Variants in GALNT13 observed in about 807,000 individuals in gnomAD.
GALNT13 encodes UDP-GalNAc:polypeptide N-acetylgalactosaminyltransferase 13.
GALNT13 carries 28 observed loss-of-function variants against 64.2 expected under a neutral mutation model. That is an observed-to-expected ratio of 0.44 (90% confidence interval 0.32 to 0.60). The LOEUF (loss-of-function observed/expected upper bound fraction) is 0.60. Ranked by LOEUF, GALNT13 falls within the 20% of genes least tolerant of loss-of-function variation. The pLI, the probability that GALNT13 is intolerant of heterozygous loss-of-function variation, is 0.05. For missense variants in GALNT13, 577 were observed against 669.8 expected, an observed-to-expected ratio of 0.86 and a Z score of 1.53; for synonymous variants, 214 against 224.6, an observed-to-expected ratio of 0.95 and a Z score of 0.42.
In GALNT13 at chr2:154,017,409, C is replaced by T. The variant is rs141878716; in HGVS notation, c.142+72770C>T. On this transcript the variant is annotated intron_variant, in intron 3 of 12. Transcript: ENST00000392825. Reference sequence around the variant, plus strand: ...TGAAAAAACTGTCAAAATCCACTCTCTTCCTAAATAATTGGTTAATATGAT... The same window carrying T: ...TGAAAAAACTGTCAAAATCCACTCTTTTCCTAAATAATTGGTTAATATGAT... Among the ~76,000 whole-genome samples the T allele has an allele frequency of 3.6e-3, 552 of 152,254 alleles. 4 individuals carry two copies. The highest frequency in any genetic ancestry group is 0.013 in the African/African-American group (522 of 41,544).
At chr2:153,152,163 A>T in the GALNT13 span, among the ~76,000 whole-genome samples, 1 of 151,832 alleles carries the variant, frequency 6.6e-6, no homozygotes, top group Admixed American at 6.6e-5. Context: ...GCTCTCCATT[A>T]TTTTCCTTAT....
chr2:154,370,632 A>G (rs1458937244), intron 9 of GALNT13, among the ~76,000 whole-genome samples: 1 of 152,040 alleles, frequency 6.6e-6, no homozygotes. Context: ...AAGGAAGAAC[A>G]TTTTGGGGTT....
chr2:154,441,932 T>C (rs558448178), intron 12 of GALNT13: 23 of 152,270 alleles, frequency 1.5e-4, no homozygotes, highest in African/African-American at 5.5e-4. Context: ...AAATGAAGCA[T>C]AGGGTAAATG....
chr2:154,336,940 T>A (rs912510407), intron 9 of GALNT13, among the ~76,000 whole-genome samples: 7 of 152,112 alleles, frequency 4.6e-5, no homozygotes, highest in African/African-American at 1.7e-4. Flanking sequence ...ATTTTTTGAA[T>A]AATATCTAAG....
the GALNT13 span, among the ~76,000 whole-genome samples, chr2:153,231,230 T>C: frequency 4.6e-5 from 7 of 152,178 alleles, no homozygotes; most frequent in Non-Finnish European, 7.3e-5. Context: ...AAACCAATTG[T>C]CTCGAGTTTT....
chr2:154,318,113 G>A (rs1694420881), intron 9 of GALNT13, among the ~76,000 whole-genome samples: 1 of 151,940 alleles, frequency 6.6e-6, no homozygotes, highest in South Asian at 2.1e-4. Flanking sequence ...TTATATCACT[G>A]AGTTTTGAAA....
the GALNT13 span, among the ~76,000 whole-genome samples, chr2:153,290,164 A>G: frequency 6.6e-6 from 1 of 152,158 alleles, no homozygotes; most frequent in African/African-American, 2.4e-5. Flanking sequence ...CTAATTTTCA[A>G]TAGATTGCTT....
the GALNT13 span, among the ~76,000 whole-genome samples, chr2:153,798,873 C>G: frequency 6.6e-6 from 1 of 152,174 alleles, no homozygotes; most frequent in South Asian, 2.1e-4. Flanking sequence ...ACATTTCTAT[C>G]TGCATAACAT....
chr2:153,804,793 C>G, the GALNT13 span, among the ~76,000 whole-genome samples: 1 of 151,972 alleles, frequency 6.6e-6, no homozygotes, highest in African/African-American at 2.4e-5. Flanking sequence ...AGAGCAGAAT[C>G]ATGTCTACAT....
the GALNT13 span, among the ~76,000 whole-genome samples, chr2:153,454,178 G>A: frequency 5.3e-5 from 8 of 152,124 alleles, no homozygotes; most frequent in African/African-American, 1.4e-4. Context: ...ACTATGCTCA[G>A]TACTTGGGTG....
At chr2:154,331,500 C>T (rs1289259795) in intron 9 of GALNT13, among the ~76,000 whole-genome samples, 1 of 151,760 alleles carries the variant, frequency 6.6e-6, no homozygotes, top group Non-Finnish European at 1.5e-5. Flanking sequence ...GAGACTGGGT[C>T]TCGCCATGTT....
chr2:154,312,384 A>AGG (rs1559084404), intron 9 of GALNT13, among the ~76,000 whole-genome samples: 6 of 152,100 alleles, frequency 3.9e-5, no homozygotes, highest in Non-Finnish European at 8.8e-5. Context: ...TTCTAATGAC[A>AGG]TTGGGATTTC....
chr2:153,344,213 A>G, the GALNT13 span, among the ~76,000 whole-genome samples: 2 of 152,178 alleles, frequency 1.3e-5, no homozygotes, highest in Non-Finnish European at 2.9e-5. Flanking sequence ...GTATAGATAC[A>G]TATTGTAGAT....
intron 9 of GALNT13, among the ~76,000 whole-genome samples, chr2:154,342,950 C>T (rs1463364354): frequency 6.6e-6 from 1 of 151,742 alleles, no homozygotes; most frequent in African/African-American, 2.4e-5. Context: ...GTTCTTAGTA[C>T]CATATTTGAA....
intron 4 of GALNT13, among the ~76,000 whole-genome samples, chr2:154,143,945 C>A (rs1294116866): frequency 6.8e-6 from 1 of 147,890 alleles, no homozygotes; most frequent in Admixed American, 6.7e-5. Context: ...CCTTGGCATA[C>A]TAAGTTTATG....
At chr2:153,405,915 C>T in the GALNT13 span, among the ~76,000 whole-genome samples, 1 of 152,154 alleles carries the variant, frequency 6.6e-6, no homozygotes, top group South Asian at 2.1e-4. Context: ...AGCAAAGATT[C>T]ACTCACCAGA....
At chr2:154,264,466 C>CA (rs3078698) in intron 8 of GALNT13, among the ~76,000 whole-genome samples, 10 of 123,446 alleles carry the variant, frequency 8.1e-5, no homozygotes, top group African/African-American at 1.9e-4. Flanking sequence ...ACTAAAAATA[C>CA]AAAAAAAAAA....
chr2:154,279,700 C>G (rs1348165680), intron 8 of GALNT13, among the ~76,000 whole-genome samples: 3 of 152,118 alleles, frequency 2.0e-5, no homozygotes, highest in Admixed American at 1.3e-4. Context: ...TTGTGACTGA[C>G]AAGTTAGCAA....
chr2:153,522,037 C>T, the GALNT13 span, among the ~76,000 whole-genome samples: 2 of 152,084 alleles, frequency 1.3e-5, no homozygotes, highest in African/African-American at 4.8e-5. Flanking sequence ...TATAAATTTT[C>T]AGCTTCACTA....
Sources: gnomAD v4.1 joint callset for allele counts (sites outside exome capture counted in the v4.1 genomes callset) on GRCh38, gnomAD v4.1.1 for gene constraint, MANE v1.5 for transcripts, NCBI Gene and HGNC (gene_info 2026-07-23, HGNC 2026-07-21) for gene names.